Variants in TRRAP observed in about 807,000 individuals in gnomAD.
TRRAP encodes the protein transformation/transcription domain associated protein.
A neutral mutation model predicts 438.8 loss-of-function variants in TRRAP; 41 were observed. The ratio of observed to expected loss-of-function variants is 0.09; its 90% CI spans 0.07 to 0.12. The LOEUF is 0.12. TRRAP is among the 10% of genes least tolerant of loss of function. TRRAP has a pLI of 1.00. For synonymous variants in TRRAP, 1,994 were observed against 1,962.9 expected, an observed-to-expected ratio of 1.02 and a Z score of -0.42; for missense variants, 3,122 against 5,055.1, an observed-to-expected ratio of 0.62 and a Z score of 11.60.
intron 58 of TRRAP, among the ~76,000 whole-genome samples, chr7:98,980,455 G>A (rs75074236): frequency 6.6e-6 from 1 of 151,876 alleles, no homozygotes; most frequent in Non-Finnish European, 1.5e-5. Flanking sequence ...AACAAAATGT[G>A]AGGCGTTCCA....
intron 40 of TRRAP, among the ~76,000 whole-genome samples, chr7:98,954,495 A>G (rs1752873010): frequency 6.6e-6 from 1 of 152,204 alleles, no homozygotes; most frequent in Admixed American, 6.5e-5. Flanking sequence ...TCGTTGAGCT[A>G]GAACTCCAGC....
chr7:98,941,914 A>G (rs1790814410), intron 30 of TRRAP, among the ~76,000 whole-genome samples: 1 of 152,206 alleles, frequency 6.6e-6, no homozygotes, highest in Admixed American at 6.5e-5. Flanking sequence ...AAGAGTTTTT[A>G]AGGTGTCCAA....
At chr7:98,930,261 T>TG in intron 24 of TRRAP, 55 bp downstream of exon 24, 1 of 1,584,918 alleles carries the variant, frequency 6.3e-7, no homozygotes. Context: ...TACCTGAGAG[T>TG]GGTCCTTCTA....
chr7:98,928,437 C>G (rs376553107), intron 23 of TRRAP, among the ~76,000 whole-genome samples: 8 of 152,248 alleles, frequency 5.3e-5, no homozygotes, highest in African/African-American at 1.9e-4. Flanking sequence ...TAGAATTTTC[C>G]CCTTTAACTT....
In TRRAP at chr7:98,964,694, G is replaced by A. The variant is rs377710008; in HGVS notation, c.6895G>A (p.Val2299Ile). 267 of 1,613,910 alleles carry A rather than the reference G, an allele frequency of 1.7e-4. No individual in the cohort carries two copies. The highest frequency in any genetic ancestry group is 2.2e-4 in the Non-Finnish European group (254 of 1,180,002). Residue 2299 changes from valine (V) to isoleucine (I), a missense_variant, in exon 48 of 73, where the codon GTC (valine) becomes ATC (isoleucine). Val to Ile is a conservative substitution (Grantham distance 29, BLOSUM62 3). Transcript: ENST00000456197. ...CAGCTACATAGACAGGCTGATCTCC[G>A]TCTTTATGCGCTCCCTGCAGAAGAT... ...NPSYIDRLIS[V>I]FMRSLQKMVR... is the part of the protein sequence containing the mutation.
chr7:98,958,191 C>A, intron 44 of TRRAP, 100 bp downstream of exon 44: 3 of 1,021,332 alleles, frequency 2.9e-6, no homozygotes, highest in Non-Finnish European at 4.2e-6. Flanking sequence ...AAAAAAGATA[C>A]AGACAAACCA....
chr7:98,910,301 A>G lies in TRRAP; in HGVS notation c.1596A>G (p.Glu532=), dbSNP rs782576954. ...APVPPFEKQG[E]KDKEDKQTFQ... The stretch of plus-strand genomic sequence containing the variant: ...TGCCTCCCTTCGAGAAGCAAGGAGA[A>G]AAGGACAAGGAAGACAAGCAGACAT... The change falls in exon 15 of 73, where the codon GAA becomes GAG. Residue 532 remains glutamate, a synonymous_variant. Coordinates refer to ENST00000456197, the MANE Select transcript of TRRAP (RefSeq NM_001375524.1). 1 of 1,607,666 alleles carries G rather than the reference A, an allele frequency of 6.2e-7. No individual in the cohort carries two copies. Among genetic ancestry groups the G allele is most frequent in the Admixed American group, 1.7e-5 (1 of 59,746 alleles).
At chr7:98,886,852 T>C (rs1026170878) in intron 3 of TRRAP, among the ~76,000 whole-genome samples, 2 of 152,168 alleles carry the variant, frequency 1.3e-5, no homozygotes, top group Admixed American at 6.6e-5. Flanking sequence ...GTGGCTGAGT[T>C]GAGATAGTTG....
chr7:98,929,982 C>G lies in TRRAP; in HGVS notation c.3176-7C>G. ...GTTCTCACGTGCCTTCCCATCTCTC[C>G]TTTTAGGCCCTTTCTTGCTGCCTTG... is the stretch of plus-strand genomic sequence containing the variant. On this transcript the variant is annotated splice_polypyrimidine_tract_variant and splice_region_variant and intron_variant, in intron 23 of 72. Coordinates refer to ENST00000456197, the MANE Select transcript of TRRAP (RefSeq NM_001375524.1). 1 of 1,613,960 alleles carries G rather than the reference C, an allele frequency of 6.2e-7. No homozygotes were observed. The highest frequency in any genetic ancestry group is 8.5e-7 in the Non-Finnish European group (1 of 1,179,928).
chr7:98,955,250 G>A lies in TRRAP; in HGVS notation c.5883G>A (p.Gly1961=). 1 of 1,614,134 alleles carries A rather than the reference G, an allele frequency of 6.2e-7. No individual in the cohort carries two copies. The highest frequency in any genetic ancestry group is 1.3e-5 in the African/African-American group (1 of 75,062). Residue 1961 remains glycine (G), a synonymous_variant, in exon 41 of 73, where the codon GGG becomes GGA. Coordinates refer to ENST00000456197, the MANE Select transcript of TRRAP (RefSeq NM_001375524.1). Reference sequence around the variant, plus strand: ...CCCGGAAGATCATTGTGGAGGAGGGGCACACCGTCCCGCAGCTGGTCCACA... The same window carrying A: ...CCCGGAAGATCATTGTGGAGGAGGGACACACCGTCCCGCAGCTGGTCCACA... The part of the protein sequence containing the change: ...HWTRKIIVEE[G]HTVPQLVHIL...
intron 21 of TRRAP, 21 bp downstream of exon 21, chr7:98,921,974 G>A (rs782269396): frequency 1.7e-5 from 28 of 1,613,978 alleles, no homozygotes; most frequent in Admixed American, 3.3e-5. Flanking sequence ...TGACAATGTC[G>A]TTTCGTTTTA....
chr7:98,910,247 ACCTGCCACC>A lies in TRRAP; in HGVS notation c.1547_1555del (p.Ala516_Pro518del), dbSNP rs1797013947. ...CACCTCCACCCCCGCCCCCACCCCC[ACCTGCCACC>A]CCTGTGACCCCGGCCCCCGTGCCTC... On this transcript the variant is annotated inframe_deletion, in exon 15 of 73. Transcript: ENST00000456197. 3.2e-6 allele frequency: 1 copy of A among 310,126 alleles called. No individual in the cohort carries two copies. Among genetic ancestry groups the A allele is most frequent in the Non-Finnish European group, 4.2e-6 (1 of 237,946 alleles). The allele number at this position is 310,126 out of a possible 1,614,324, so 19.2% of individuals were successfully genotyped here.
At chr7:99,004,686 C>T (rs1794080011) in intron 68 of TRRAP, among the ~76,000 whole-genome samples, 1 of 152,216 alleles carries the variant, frequency 6.6e-6, no homozygotes, top group African/African-American at 2.4e-5. Flanking sequence ...GTGTGTCCCA[C>T]TCTTGTAAAT....
chr7:98,973,721 G>A (rs1004544406), intron 53 of TRRAP, among the ~76,000 whole-genome samples: 6 of 152,192 alleles, frequency 3.9e-5, no homozygotes, highest in African/African-American at 1.2e-4. Flanking sequence ...TGCTCAGGCC[G>A]GAGCTGCAGA....
chr7:98,918,061 CAG>C (rs1554409809), intron 20 of TRRAP, among the ~76,000 whole-genome samples: 1 of 150,286 alleles, frequency 6.7e-6, no homozygotes, highest in Non-Finnish European at 1.5e-5. Context: ...GTTGAGGCTG[CAG>C]CGAGGCATGA....
intron 62 of TRRAP, among the ~76,000 whole-genome samples, chr7:98,987,073 C>T (rs923662788): frequency 6.6e-6 from 1 of 152,068 alleles, no homozygotes; most frequent in Admixed American, 6.5e-5. Flanking sequence ...TCACTTGAGC[C>T]CAGGAGTTTG....
intron 63 of TRRAP, among the ~76,000 whole-genome samples, chr7:98,989,788 T>G (rs1793309260): frequency 1.3e-5 from 2 of 152,328 alleles, no homozygotes; most frequent in South Asian, 4.1e-4. Flanking sequence ...TCTGAGAGTT[T>G]TAGCAAAAGT....
At chr7:98,909,950 G>T in intron 14 of TRRAP, 106 bp from the exon 15 acceptor site, 1 of 1,453,640 alleles carries the variant, frequency 6.9e-7, no homozygotes, top group East Asian at 2.4e-5. Context: ...AGCATGACTT[G>T]AGCAGCTGGT....
rs765837238 is a variant in TRRAP, at chr7:99,012,030, C to CT, written c.11338-39dup. The CT allele has an allele frequency of 1.1e-5, 17 of 1,597,882 alleles. No homozygotes were observed. The South Asian group carries it at 1.8e-4, about 17-fold the overall frequency. ...TAGGAAGCTGCCCCTGTGGGCTGTT[C>CT]TTGGTTAAACACAAGTCGTCTCGTT... On this transcript the variant is annotated intron_variant, in intron 72 of 72. Coordinates refer to ENST00000456197, the MANE Select transcript of TRRAP (RefSeq NM_001375524.1). The surrounding 1 kb of genome is among the most constrained non-coding windows in gnomAD (Gnocchi z 5.9).
Sources: gnomAD v4.1 joint callset for allele counts (sites outside exome capture counted in the v4.1 genomes callset) on GRCh38, gnomAD v4.1.1 for gene constraint, Gnocchi (gnomAD v3.1) non-coding constraint, MANE v1.5 for transcripts, NCBI Gene and HGNC (gene_info 2026-07-23, HGNC 2026-07-21) for gene names.